ROCK1: variants seen among roughly 807,000 people sequenced by gnomAD.
ROCK1 encodes rho-associated protein kinase 1.
A neutral mutation model predicts 196.8 loss-of-function variants in ROCK1; 36 were observed. That is an observed-to-expected ratio of 0.18 (90% CI 0.14 to 0.24). ROCK1 has a LOEUF of 0.24. Among genes scored for constraint, ROCK1 ranks in the 10% least tolerant of loss-of-function variants. ROCK1 has a pLI of 1.00. For missense variants in ROCK1, 920 were observed against 1,562.0 expected (o/e 0.59, Z 6.93); for synonymous variants, 443 against 515.9 (o/e 0.86, Z 1.91).
At chr18:20,965,429 A>C (rs1255429899) in intron 27 of ROCK1, among the ~76,000 whole-genome samples, 4 of 151,876 alleles carry the variant, frequency 2.6e-5, no homozygotes, top group African/African-American at 4.8e-5. Flanking sequence ...ACATACATAC[A>C]TACATACATA....
At chr18:20,953,014 C>T (rs1036819986) in intron 32 of ROCK1, among the ~76,000 whole-genome samples, 4 of 151,992 alleles carry the variant, frequency 2.6e-5, no homozygotes, top group African/African-American at 7.3e-5. Context: ...AGGAGAAATA[C>T]CTAATGTAGA....
intron 28 of ROCK1, 40 bp downstream of exon 28, chr18:20,960,096 G>A (rs200169699): frequency 7.4e-7 from 1 of 1,352,898 alleles, no homozygotes; most frequent in Non-Finnish European, 1.1e-6. Flanking sequence ...GTAAAATATA[G>A]AACAAAATAC....
intron 16 of ROCK1, among the ~76,000 whole-genome samples, chr18:21,002,765 A>G (rs533239136): frequency 6.6e-6 from 1 of 152,282 alleles, no homozygotes; most frequent in East Asian, 1.9e-4. Context: ...TTTTTGAGAC[A>G]GGGTCTTGTT....
intron 27 of ROCK1, among the ~76,000 whole-genome samples, chr18:20,966,128 AAG>A (rs1039757102): frequency 1.9e-4 from 29 of 152,174 alleles, no homozygotes; most frequent in African/African-American, 7.0e-4. Flanking sequence ...CAAAACTTCC[AAG>A]ACTCTGAACT....
chr18:21,035,535 T>A lies in ROCK1; in HGVS notation c.1051+3937A>T, dbSNP rs1266726051. ...TATCATATGACTTAGCCATTCCACT[T>A]CTAGGTATATACTCAAATTAATAGA... On this transcript the variant is annotated intron_variant, in intron 9 of 32. Transcript: ENST00000399799. Among the ~76,000 whole-genome samples the A allele has an allele frequency of 8.5e-5, 13 of 152,192 alleles. No homozygotes were observed. The East Asian group carries it at 2.1e-3, about 25-fold the overall frequency.
intron 1 of ROCK1, among the ~76,000 whole-genome samples, chr18:21,071,244 T>C: frequency 6.7e-6 from 1 of 148,332 alleles, no homozygotes; most frequent in Admixed American, 7.0e-5. Context: ...AGTGGTGCAA[T>C]GTTGGCTCAA....
chr18:21,063,814 T>C (rs1276493721), intron 2 of ROCK1, among the ~76,000 whole-genome samples: 1 of 152,222 alleles, frequency 6.6e-6, no homozygotes, highest in East Asian at 1.9e-4. Context: ...GTCAAGCCTC[T>C]GTATGAAGAC....
intron 27 of ROCK1, among the ~76,000 whole-genome samples, chr18:20,964,552 T>C (rs1197403409): frequency 2.0e-5 from 3 of 152,156 alleles, no homozygotes; most frequent in South Asian, 4.1e-4. Context: ...TTCAGCACTG[T>C]TGAGATTTTA....
chr18:21,018,131 A>G (rs1474049166), intron 12 of ROCK1, among the ~76,000 whole-genome samples: 1 of 152,136 alleles, frequency 6.6e-6, no homozygotes, highest in East Asian at 1.9e-4. Context: ...TTGAGGTGAT[A>G]CTTTCATATG....
At position 20,959,938 on chromosome 18, in the gene ROCK1, GA is replaced by G. The variant is rs776238402; in HGVS notation, c.3424-11del. On this transcript the variant is annotated splice_polypyrimidine_tract_variant and intron_variant, in intron 28 of 32. Coordinates refer to ENST00000399799, the MANE Select transcript of ROCK1 (RefSeq NM_005406.3). ...TGCTTACCACAACATACTGAAATAAGAAAAAGGGGGGAAGAGTTACAAGAGC... is the reference window on the plus strand; with the variant it reads ...TGCTTACCACAACATACTGAAATAAGAAAAGGGGGGAAGAGTTACAAGAGC... 7.9e-6 allele frequency: 12 copies of G among 1,526,652 alleles called. No individual in the cohort carries two copies. The highest frequency in any genetic ancestry group is 1.8e-5 in the Admixed American group (1 of 56,956). 94.6% of individuals were successfully genotyped at this position (1,526,652 alleles called of 1,614,324 possible).
intron 22 of ROCK1, among the ~76,000 whole-genome samples, chr18:20,977,949 C>T (rs1044545065): frequency 6.6e-6 from 1 of 152,134 alleles, no homozygotes; most frequent in African/African-American, 2.4e-5. Context: ...GGTTATCTAA[C>T]TATGATACTT....
At chr18:21,037,587 T>C (rs2036068289) in intron 9 of ROCK1, among the ~76,000 whole-genome samples, 1 of 152,120 alleles carries the variant, frequency 6.6e-6, no homozygotes, top group South Asian at 2.1e-4. Context: ...AATTTTTCTT[T>C]GTTTTTTCCA....
Position 21,096,549 on chromosome 18 carries a change from CCTAA to C in ROCK1, c.93+14265_93+14268del, listed in dbSNP as rs1328581124. ...TTCTATCACTTACAACTGAAAGAGT[CCTAA>C]CTAATTCAGAGAAAGAAAGGGAAAG... is the stretch of plus-strand genomic sequence containing the variant. On this transcript the variant is annotated intron_variant, in intron 1 of 32. Coordinates refer to ENST00000399799, the MANE Select transcript of ROCK1 (RefSeq NM_005406.3). Among the ~76,000 whole-genome samples the C allele has an allele frequency of 2.6e-5, 4 of 152,060 alleles. No individual in the cohort carries two copies. In the East Asian group the frequency reaches 7.7e-4, roughly 29 times the overall value.
At position 20,974,303 on chromosome 18, in the gene ROCK1, G is replaced by A. The variant is rs145790269; in HGVS notation, c.2655-3790C>T. Among the ~76,000 whole-genome samples, 1,030 of 152,288 alleles carry A rather than the reference G, an allele frequency of 6.8e-3. 4 individuals are homozygous for A. The highest frequency in any genetic ancestry group is 0.027 in the Middle Eastern group (8 of 294). On this transcript the variant is annotated intron_variant, in intron 22 of 32. Transcript: ENST00000399799. The stretch of plus-strand genomic sequence containing the variant: ...TTTTCTTAGGAGAGTAGTAGAGTTA[G>A]TACTTTAGGAAAAGAAAGGATATGC...
At chr18:21,024,941 T>C (rs1478800814) in intron 10 of ROCK1, among the ~76,000 whole-genome samples, 2 of 152,230 alleles carry the variant, frequency 1.3e-5, no homozygotes, top group African/African-American at 2.4e-5. Context: ...ATTCTGCTTA[T>C]GTAATATAAA....
chr18:21,039,045 T>C (rs2143498115), intron 9 of ROCK1, among the ~76,000 whole-genome samples: 1 of 152,350 alleles, frequency 6.6e-6, no homozygotes, highest in East Asian at 1.9e-4. Context: ...AAAATTAAAT[T>C]GAATTCTGGA....
At chr18:21,073,574 T>C (rs558511274) in intron 1 of ROCK1, among the ~76,000 whole-genome samples, 5 of 152,330 alleles carry the variant, frequency 3.3e-5, no homozygotes, top group African/African-American at 1.2e-4. Flanking sequence ...TTAATGGCAC[T>C]AGGAAAGGAC....
chr18:21,091,229 T>A (rs1052047167), intron 1 of ROCK1, among the ~76,000 whole-genome samples: 2 of 152,146 alleles, frequency 1.3e-5, no homozygotes, highest in African/African-American at 4.8e-5. Flanking sequence ...ACTTAATGAA[T>A]AGTAAATATA....
chr18:21,019,637 C>G (rs895336704), intron 12 of ROCK1, among the ~76,000 whole-genome samples: 1 of 142,642 alleles, frequency 7.0e-6, no homozygotes, highest in African/African-American at 2.6e-5. Flanking sequence ...ACTAAAAATA[C>G]AAAAAAAAAA....
Sources: allele counts gnomAD v4.1 joint callset (sites outside exome capture counted in the v4.1 genomes callset), GRCh38; gene constraint gnomAD v4.1.1; transcripts MANE v1.5; gene names NCBI Gene and HGNC (gene_info 2026-07-23, HGNC 2026-07-21).